The following LINGO2 variants were observed in gnomAD, a reference collection of about 807,000 sequenced individuals.
The protein encoded by LINGO2 is leucine-rich repeat and immunoglobulin-like domain-containing nogo receptor-interacting protein 2.
In LINGO2, 14 loss-of-function variants were observed where a neutral mutation model predicts 30.6. The observed-to-expected ratio is 0.46, with a 90% confidence interval of 0.30 to 0.72. The LOEUF (loss-of-function observed/expected upper bound fraction) is 0.72, where lower values mean the gene tolerates loss of function less well. Ranked by LOEUF, LINGO2 falls within the 30% of genes least tolerant of loss-of-function variation. LINGO2 has a pLI of 0.07. For synonymous variants in LINGO2, 317 were observed against 288.5 expected (o/e 1.10, Z -1.00); for missense variants, 729 against 751.7 (o/e 0.97, Z 0.35).
At chr9:28,591,779 T>G (rs774654517) in intron 1 of LINGO2, among the ~76,000 whole-genome samples, 1 of 151,992 alleles carries the variant, frequency 6.6e-6, no homozygotes, top group African/African-American at 2.4e-5. Context: ...AGTAAGACTC[T>G]TGTTTTGTAG....
chr9:29,047,002 C>T, the LINGO2 span, among the ~76,000 whole-genome samples: 1 of 141,410 alleles, frequency 7.1e-6, no homozygotes, highest in Middle Eastern at 3.6e-3. Flanking sequence ...TCACTTGAAT[C>T]CGGGCACTCC....
chr9:27,943,646 A>C (rs1823255112), downstream of LINGO2: 1 of 150,072 alleles, frequency 6.7e-6, no homozygotes. Context: ...TTTCCAGTTT[A>C]ACAATTACCC....
At chr9:29,129,677 C>G in the LINGO2 span, among the ~76,000 whole-genome samples, 2 of 151,746 alleles carry the variant, frequency 1.3e-5, no homozygotes, top group African/African-American at 2.4e-5. Context: ...TCAGAGGTTA[C>G]GTAAAAGTTA....
chr9:28,775,318 C>A, the LINGO2 span, among the ~76,000 whole-genome samples: 1 of 152,168 alleles, frequency 6.6e-6, no homozygotes, highest in Admixed American at 6.5e-5. Flanking sequence ...TTGGTTCACT[C>A]CCTTCAAACA....
chr9:28,567,509 G>A (rs1823443341), intron 1 of LINGO2, among the ~76,000 whole-genome samples: 1 of 152,200 alleles, frequency 6.6e-6, no homozygotes, highest in Admixed American at 6.5e-5. Flanking sequence ...CATGGATGGA[G>A]CTACAGATCA....
At chr9:28,448,484 A>T (rs951303586) in intron 2 of LINGO2, among the ~76,000 whole-genome samples, 1 of 152,172 alleles carries the variant, frequency 6.6e-6, no homozygotes, top group Non-Finnish European at 1.5e-5. Flanking sequence ...GTTAAAAAAT[A>T]CATATTGCAT....
At chr9:28,638,411 T>A (rs542694207) in intron 1 of LINGO2, among the ~76,000 whole-genome samples, 6 of 152,312 alleles carry the variant, frequency 3.9e-5, no homozygotes, top group Non-Finnish European at 7.4e-5. Flanking sequence ...CTCCTCCTTG[T>A]ACCTCTGGTA....
intron 1 of LINGO2, among the ~76,000 whole-genome samples, chr9:28,542,490 T>G (rs1201016684): frequency 1.3e-5 from 2 of 152,058 alleles, no homozygotes; most frequent in African/African-American, 4.8e-5. Context: ...TTCCCTTACC[T>G]AAAGGCATTC....
At chr9:28,984,388 C>A in the LINGO2 span, among the ~76,000 whole-genome samples, 1 of 152,034 alleles carries the variant, frequency 6.6e-6, no homozygotes, top group Non-Finnish European at 1.5e-5. Context: ...TGGTTCCGTT[C>A]ACACTTAAAA....
the LINGO2 span, among the ~76,000 whole-genome samples, chr9:28,763,969 AG>A: frequency 2.0e-5 from 3 of 151,868 alleles, no homozygotes; most frequent in Non-Finnish European, 4.4e-5. Context: ...GACTGGATCA[AG>A]AAGAAATAGA....
chr9:28,884,968 TATA>T, the LINGO2 span, among the ~76,000 whole-genome samples: 5 of 18,156 alleles, frequency 2.8e-4, 1 homozygote, highest in African/African-American at 9.9e-4. Flanking sequence ...ATTTTATATA[TATA>T]ATATATATAA....
the LINGO2 span, among the ~76,000 whole-genome samples, chr9:29,179,421 T>C: frequency 6.6e-6 from 1 of 151,962 alleles, no homozygotes; most frequent in African/African-American, 2.4e-5. Flanking sequence ...TATTTATTTA[T>C]TGAGACAGAG....
At chr9:28,804,948 C>T in the LINGO2 span, among the ~76,000 whole-genome samples, 1 of 152,050 alleles carries the variant, frequency 6.6e-6, no homozygotes, top group Non-Finnish European at 1.5e-5. Context: ...ATGAAAGCAC[C>T]TAAGGAAAAG....
intron 3 of LINGO2, among the ~76,000 whole-genome samples, chr9:28,336,342 G>T (rs1221738803): frequency 6.6e-6 from 1 of 152,086 alleles, no homozygotes; most frequent in East Asian, 1.9e-4. Flanking sequence ...GGATTTGGAA[G>T]TATTTCCCCT....
At position 28,173,270 on chromosome 9, in the gene LINGO2, C is replaced by G. The variant is rs573425299; in HGVS notation, c.-87+121938G>C. Reference sequence around the variant, plus strand: ...ATTTTTGCTTCATTTTCCTCATATTCTTCATCCTCTATTCCAAAAGACCTG... The same window carrying G: ...ATTTTTGCTTCATTTTCCTCATATTGTTCATCCTCTATTCCAAAAGACCTG... On this transcript the variant is annotated intron_variant, in intron 4 of 5. Coordinates refer to ENST00000379992, the Ensembl canonical transcript of LINGO2. Among the ~76,000 whole-genome samples the G allele has an allele frequency of 2.0e-5, 3 of 152,278 alleles. No individual in the cohort carries two copies. The South Asian group carries it at 6.2e-4, about 32-fold the overall frequency.
At chr9:29,148,498 G>C in the LINGO2 span, among the ~76,000 whole-genome samples, 3 of 152,064 alleles carry the variant, frequency 2.0e-5, no homozygotes, top group Non-Finnish European at 4.4e-5. Context: ...CCTATAATCT[G>C]TTCATTTTAT....
intron 4 of LINGO2, among the ~76,000 whole-genome samples, chr9:28,245,570 A>G (rs1301174488): frequency 6.6e-6 from 1 of 152,190 alleles, no homozygotes; most frequent in Admixed American, 6.5e-5. Context: ...CTCAGCCCAT[A>G]AGCTGATAAG....
intron 4 of LINGO2, among the ~76,000 whole-genome samples, chr9:28,283,705 T>A (rs1823406623): frequency 6.6e-6 from 1 of 152,198 alleles, no homozygotes; most frequent in South Asian, 2.1e-4. Flanking sequence ...ATCTTGAACA[T>A]ATTTACAACC....
At chr9:28,647,353 T>C (rs747534705) in intron 1 of LINGO2, among the ~76,000 whole-genome samples, 1 of 152,108 alleles carries the variant, frequency 6.6e-6, no homozygotes, top group Non-Finnish European at 1.5e-5. Context: ...AAATAATATA[T>C]CCTTTTATTT....
Sources: gnomAD v4.1 joint callset for allele counts (sites outside exome capture counted in the v4.1 genomes callset) on GRCh38, gnomAD v4.1.1 for gene constraint, MANE v1.5 for transcripts, NCBI Gene and HGNC (gene_info 2026-07-23, HGNC 2026-07-21) for gene names.